The following ASXL1 variants were observed in gnomAD, a reference collection of about 807,000 sequenced individuals.
The protein encoded by ASXL1 is ASXL transcriptional regulator 1.
ASXL1 carries 65 observed loss-of-function variants against 89.1 expected under a neutral mutation model. The observed-to-expected ratio is 0.73, with a 90% CI of 0.60 to 0.90. ASXL1 has a LOEUF of 0.90. Among genes scored for constraint, ASXL1 ranks in the 40% least tolerant of loss-of-function variants. The pLI is 0.00. For missense variants in ASXL1, 1,786 were observed against 1,942.9 expected (o/e 0.92, Z 1.52); for synonymous variants, 739 against 746.9 (o/e 0.99, Z 0.17).
In ASXL1 at chr20:32,358,779, A is replaced by C; in HGVS notation, c.4A>C (p.Lys2Gln). 7.4e-7 allele frequency: 1 copy of C among 1,345,468 alleles called. No individual in the cohort carries two copies. Among genetic ancestry groups the C allele is most frequent in the Non-Finnish European group, 9.8e-7 (1 of 1,024,330 alleles). 83.3% of individuals were successfully genotyped at this position (1,345,468 alleles called of 1,614,324 possible). ...GCCGCCGCCGCCGGGGAGAAGGATGAAGGACAAACAGAAGAAGAAGAAGGA... is the reference window on the plus strand; with the variant it reads ...GCCGCCGCCGCCGGGGAGAAGGATGCAGGACAAACAGAAGAAGAAGAAGGA... MKDKQKKKKERT... is the reference protein window; with the variant it reads MQDKQKKKKERT... The change falls in exon 1 of 13, where the codon AAG becomes CAG. Residue 2 changes from lysine to glutamine, a missense_variant. This residue lies in a region of ASXL1 where 332 missense variants were observed against 449.7 expected (regional missense o/e 0.74). Coordinates refer to ENST00000375687, the MANE Select transcript of ASXL1 (RefSeq NM_015338.6).
Position 32,433,738 on chromosome 20 carries a change from A to C in ASXL1, c.1540A>C (p.Thr514Pro). Residue 514 changes from threonine (T) to proline (P), a missense_variant, in exon 12 of 13, where the codon ACT becomes CCT. Around this residue, in one of 3 missense-constraint regions of ASXL1, gnomAD observed 1,418 missense variants for 1,427.8 expected, o/e 0.99. Coordinates refer to ENST00000375687, the MANE Select transcript of ASXL1 (RefSeq NM_015338.6). ...CAGAATTCCTAGCCTGCCTCAGGAAACTGTGGATCAGGAACCCAAGGATCA... is the reference window on the plus strand; with the variant it reads ...CAGAATTCCTAGCCTGCCTCAGGAACCTGTGGATCAGGAACCCAAGGATCA... ...PDRIPSLPQE[T>P]VDQEPKDQKR... The C allele has an allele frequency of 6.2e-7, 1 of 1,613,832 alleles. No individual in the cohort carries two copies. The highest frequency in any genetic ancestry group is 8.5e-7 in the Non-Finnish European group (1 of 1,179,746).
At chr20:32,402,774 C>G (rs914215220) in intron 4 of ASXL1, among the ~76,000 whole-genome samples, 1 of 152,076 alleles carries the variant, frequency 6.6e-6, no homozygotes, top group Non-Finnish European at 1.5e-5. Flanking sequence ...AGTTTATGTT[C>G]AAGACTTTTC....
chr20:32,362,147 G>T (rs751071926), intron 1 of ASXL1, among the ~76,000 whole-genome samples: 1 of 152,214 alleles, frequency 6.6e-6, no homozygotes. Context: ...TTGTGAGAGC[G>T]TACACTGGAC....
intron 4 of ASXL1, among the ~76,000 whole-genome samples, chr20:32,421,869 T>TTC (rs1555909686): frequency 9.5e-5 from 13 of 137,212 alleles, no homozygotes; most frequent in Admixed American, 9.1e-4. Flanking sequence ...TTCTTTTCTT[T>TTC]TTTTTTTTTT....
intron 6 of ASXL1, chr20:32,428,649 A>ATTTT: frequency 9.6e-5 from 17 of 176,846 alleles, no homozygotes; most frequent in Middle Eastern, 2.3e-3. Flanking sequence ...GATTTTGTTC[A>ATTTT]TTCTTTTTTT....
intron 6 of ASXL1, 133 bp downstream of exon 6, chr20:32,428,555 T>G (rs2011405108): frequency 1.1e-6 from 1 of 876,406 alleles, no homozygotes; most frequent in Admixed American, 2.0e-5. Flanking sequence ...CAGCTGTTAG[T>G]AGCATTTAAC....
At chr20:32,387,184 T>C (rs577594053) in intron 4 of ASXL1, among the ~76,000 whole-genome samples, 2 of 152,040 alleles carry the variant, frequency 1.3e-5, no homozygotes, top group Admixed American at 6.6e-5. Flanking sequence ...TGCACCCCCA[T>C]AATCCCAGTT....
intron 4 of ASXL1, among the ~76,000 whole-genome samples, chr20:32,377,538 G>A (rs2048406264): frequency 6.6e-6 from 1 of 152,054 alleles, no homozygotes; most frequent in Admixed American, 6.6e-5. Flanking sequence ...AGAATTTTTA[G>A]CATCTTGGAA....
At chr20:32,411,031 C>CAAAAAAAAAAAAA (rs1257482301) in intron 4 of ASXL1, among the ~76,000 whole-genome samples, 9 of 27,682 alleles carry the variant, frequency 3.3e-4, no homozygotes, top group African/African-American at 9.5e-4. Context: ...GACTCTGTCT[C>CAAAAAAAAAAAAA]AAAAAAAAAA....
intron 4 of ASXL1, among the ~76,000 whole-genome samples, chr20:32,417,056 A>G (rs2049150080): frequency 6.6e-6 from 1 of 152,156 alleles, no homozygotes; most frequent in Admixed American, 6.6e-5. Flanking sequence ...GACCTGTGTA[A>G]ACTCATTTTG....
chr20:32,434,157 C>G lies in ASXL1; in HGVS notation c.1719+240C>G, dbSNP rs1048973829. The G allele has an allele frequency of 8.3e-6, 6 of 721,420 alleles. No homozygotes were observed. The African/African-American group carries it at 8.9e-5, about 11-fold the overall frequency. The allele number at this position is 721,420 out of a possible 1,614,324, so 44.7% of individuals were successfully genotyped here. ...TCAAAATCCTTTGGGGTTTTAAAAT[C>G]TTTTTAAGATAGCATTAGATTCTTT... On this transcript the variant is annotated intron_variant, in intron 12 of 12. Coordinates refer to ENST00000375687, the MANE Select transcript of ASXL1 (RefSeq NM_015338.6).
chr20:32,429,211 A>T lies in ASXL1; in HGVS notation c.472-127A>T. 1 of 896,148 alleles carries T rather than the reference A, an allele frequency of 1.1e-6. No homozygotes were observed. Among genetic ancestry groups the T allele is most frequent in the South Asian group, 1.4e-5 (1 of 70,352 alleles). The allele number at this position is 896,148 out of a possible 1,614,324, so 55.5% of individuals were successfully genotyped here. ...ATTAACCAGTGCTCTTGTCAGCATT[A>T]TTTGACAGATCTGGTTGAAGACGAA... On this transcript the variant is annotated intron_variant, in intron 6 of 12. Coordinates refer to ENST00000375687, the MANE Select transcript of ASXL1 (RefSeq NM_015338.6). This position sits in a 1 kb window ranked among gnomAD's most constrained non-coding sequence, Gnocchi z 4.9.
chr20:32,381,956 C>CTTT (rs11482197), intron 4 of ASXL1, among the ~76,000 whole-genome samples: 3 of 113,672 alleles, frequency 2.6e-5, no homozygotes, highest in Non-Finnish European at 5.3e-5. Flanking sequence ...TTTTTCTTGC[C>CTTT]TTTTTTTTTT....
At chr20:32,395,126 A>G (rs2048739790) in intron 4 of ASXL1, among the ~76,000 whole-genome samples, 1 of 152,104 alleles carries the variant, frequency 6.6e-6, no homozygotes, top group South Asian at 2.1e-4. Context: ...GATTTTCTTC[A>G]GTTTTTTCTC....
At chr20:32,387,804 A>G (rs1443492688) in intron 4 of ASXL1, among the ~76,000 whole-genome samples, 1 of 152,224 alleles carries the variant, frequency 6.6e-6, no homozygotes, top group Non-Finnish European at 1.5e-5. Flanking sequence ...CGTCAGACTC[A>G]TATATTCAGT....
chr20:32,359,855 AT>A, intron 1 of ASXL1: 1 of 717,456 alleles, frequency 1.4e-6, no homozygotes, highest in South Asian at 1.5e-5. Context: ...TATTCGGGTA[AT>A]TATCTGCTGA....
intron 4 of ASXL1, among the ~76,000 whole-genome samples, chr20:32,383,523 G>T (rs1357779850): frequency 1.3e-5 from 2 of 151,996 alleles, no homozygotes; most frequent in African/African-American, 4.8e-5. Flanking sequence ...TTGCCAGGAT[G>T]GTCTCCATCT....
rs1383718077 is a variant in ASXL1 at position 32,432,162 on chromosome 20, G to T, written c.979+483G>T. Among the ~76,000 whole-genome samples, 5 of 152,178 alleles carry T rather than the reference G, an allele frequency of 3.3e-5. 1 individual carries two copies. The highest frequency in any genetic ancestry group is 2.0e-4 in the Admixed American group (3 of 15,274). On this transcript the variant is annotated intron_variant, in intron 10 of 12. Coordinates refer to ENST00000375687, the MANE Select transcript of ASXL1 (RefSeq NM_015338.6). The stretch of plus-strand genomic sequence containing the variant: ...CTCAGCATATAGTTATATGTACAGG[G>T]CTGCGGTTTATTACAGCAGAAGAAT...
At chr20:32,380,107 C>G (rs547745114) in intron 4 of ASXL1, among the ~76,000 whole-genome samples, 12 of 152,020 alleles carry the variant, frequency 7.9e-5, no homozygotes, top group South Asian at 2.1e-4. Context: ...CACAGTGAAA[C>G]TCCATCTCTA....
Sources: gnomAD v4.1 joint callset for allele counts (sites outside exome capture counted in the v4.1 genomes callset) on GRCh38, gnomAD v4.1.1 for gene constraint, gnomAD v4.1.1 regional missense constraint, Gnocchi (gnomAD v3.1) non-coding constraint, MANE v1.5 for transcripts, NCBI Gene and HGNC (gene_info 2026-07-23, HGNC 2026-07-21) for gene names.